Variants in KSR2 observed in about 807,000 individuals in gnomAD.
KSR2 encodes the protein kinase suppressor of ras 2.
KSR2 carries 25 observed loss-of-function variants against 107.8 expected under a neutral mutation model. The observed-to-expected ratio is 0.23, with a 90% CI of 0.17 to 0.32. The LOEUF is 0.32. Ranked by LOEUF, KSR2 falls within the 10% of genes least tolerant of loss-of-function variation. The pLI is 1.00. For synonymous variants in KSR2, 480 were observed against 507.0 expected (o/e 0.95, Z 0.71); for missense variants, 887 against 1,268.9 (o/e 0.70, Z 4.57).
chr12:117,790,339 T>C (rs1320392407), intron 3 of KSR2, among the ~76,000 whole-genome samples: 1 of 152,172 alleles, frequency 6.6e-6, no homozygotes, highest in East Asian at 1.9e-4. Context: ...GTGGGACAAC[T>C]AGAGGCAAGG....
chr12:117,563,626 A>C (rs1390931356), intron 7 of KSR2, among the ~76,000 whole-genome samples: 1 of 152,192 alleles, frequency 6.6e-6, no homozygotes, highest in Non-Finnish European at 1.5e-5. Flanking sequence ...GGTAGTTACC[A>C]TAATTATTGC....
intron 7 of KSR2, among the ~76,000 whole-genome samples, chr12:117,575,949 A>G (rs1879259997): frequency 6.6e-6 from 1 of 152,142 alleles, no homozygotes; most frequent in South Asian, 2.1e-4. Context: ...CTCACACAAG[A>G]GTTTAGTAAT....
chr12:117,523,178 A>T (rs1874875240), intron 14 of KSR2, among the ~76,000 whole-genome samples: 1 of 152,210 alleles, frequency 6.6e-6, no homozygotes, highest in Non-Finnish European at 1.5e-5. Context: ...TGTACCTTCT[A>T]CCAATCACCA....
chr12:117,847,030 C>T (rs962861309), intron 3 of KSR2, among the ~76,000 whole-genome samples: 2 of 152,196 alleles, frequency 1.3e-5, no homozygotes, highest in African/African-American at 2.4e-5. Flanking sequence ...AAGCGAGAGT[C>T]CTAATTTGAT....
At chr12:117,862,013 AT>A (rs140172842) in intron 1 of KSR2, among the ~76,000 whole-genome samples, 20 of 151,790 alleles carry the variant, frequency 1.3e-4, no homozygotes, top group African/African-American at 2.7e-4. Flanking sequence ...CTTTATATAC[AT>A]TTTTTTGTAT....
chr12:117,898,148 C>T (rs1412755577), intron 1 of KSR2, among the ~76,000 whole-genome samples: 4 of 152,114 alleles, frequency 2.6e-5, no homozygotes, highest in African/African-American at 7.2e-5. Flanking sequence ...AAAAGAGTAA[C>T]GGGATCATGA....
intron 4 of KSR2, among the ~76,000 whole-genome samples, chr12:117,685,653 C>A (rs1482766342): frequency 6.6e-6 from 1 of 152,186 alleles, no homozygotes; most frequent in Non-Finnish European, 1.5e-5. Flanking sequence ...TTCCCGAAAT[C>A]AGAGGCTGTA....
chr12:117,584,729 T>G (rs960014322), intron 5 of KSR2, among the ~76,000 whole-genome samples: 1 of 152,202 alleles, frequency 6.6e-6, no homozygotes, highest in Non-Finnish European at 1.5e-5. Flanking sequence ...TCCAAGATTA[T>G]TATAATAGAA....
At chr12:117,532,381 CCTT>C (rs1875710229) in intron 10 of KSR2, among the ~76,000 whole-genome samples, 2 of 152,154 alleles carry the variant, frequency 1.3e-5, no homozygotes, top group South Asian at 2.1e-4. Flanking sequence ...TGTGCCATCT[CCTT>C]CTTCTGCCTT....
intron 4 of KSR2, among the ~76,000 whole-genome samples, chr12:117,758,509 G>C (rs572288210): frequency 6.6e-6 from 1 of 152,216 alleles, no homozygotes; most frequent in East Asian, 1.9e-4. Flanking sequence ...CATCCCCCAA[G>C]GTGGGCCAGG....
intron 1 of KSR2, among the ~76,000 whole-genome samples, chr12:117,942,688 A>C (rs1326161179): frequency 6.7e-6 from 1 of 150,340 alleles, no homozygotes; most frequent in African/African-American, 2.4e-5. Context: ...TTGGAGAAAC[A>C]AGAGTTTTGC....
chr12:117,784,490 C>A (rs530233858), intron 3 of KSR2, among the ~76,000 whole-genome samples: 2 of 152,172 alleles, frequency 1.3e-5, no homozygotes, highest in African/African-American at 2.4e-5. Context: ...ATTAGCAGCA[C>A]GAGAACAGGC....
chr12:117,917,478 G>C (rs1426053671), intron 1 of KSR2, among the ~76,000 whole-genome samples: 3 of 152,032 alleles, frequency 2.0e-5, no homozygotes, highest in Non-Finnish European at 2.9e-5. Context: ...GGAGTTTGAG[G>C]CTACAGTGAT....
At chr12:117,692,479 T>C (rs367919689) in intron 4 of KSR2, among the ~76,000 whole-genome samples, 1 of 44,162 alleles carries the variant, frequency 2.3e-5, no homozygotes, top group Admixed American at 2.9e-4. Context: ...TATATATATA[T>C]ATATATATAT....
At chr12:117,861,707 G>A (rs1566055759) in intron 1 of KSR2, among the ~76,000 whole-genome samples, 1 of 152,066 alleles carries the variant, frequency 6.6e-6, no homozygotes, top group East Asian at 1.9e-4. Flanking sequence ...CAATTCTTTA[G>A]GGGAGGGAAG....
intron 4 of KSR2, among the ~76,000 whole-genome samples, chr12:117,728,797 C>T (rs189432873): frequency 6.6e-6 from 1 of 152,268 alleles, no homozygotes; most frequent in African/African-American, 2.4e-5. Context: ...TCTATGCTGT[C>T]CTTACTCAGG....
intron 1 of KSR2, among the ~76,000 whole-genome samples, chr12:117,938,773 C>T (rs1418670406): frequency 6.6e-6 from 1 of 151,912 alleles, no homozygotes; most frequent in Non-Finnish European, 1.5e-5. Flanking sequence ...AAAATAACCA[C>T]CAAGTAGACA....
chr12:117,501,650 G>A (rs1215304368), intron 14 of KSR2, among the ~76,000 whole-genome samples: 1 of 152,188 alleles, frequency 6.6e-6, no homozygotes, highest in Non-Finnish European at 1.5e-5. Context: ...GCTTAGGAGT[G>A]AGTTGGGCTA....
chr12:117,901,816 G>A (rs993904375), intron 1 of KSR2, among the ~76,000 whole-genome samples: 2 of 152,108 alleles, frequency 1.3e-5, no homozygotes, highest in Admixed American at 6.5e-5. Context: ...AGGGTTCAGC[G>A]TGGCGTACAA....
Sources: allele counts gnomAD v4.1 joint callset (sites outside exome capture counted in the v4.1 genomes callset), GRCh38; gene constraint gnomAD v4.1.1; transcripts MANE v1.5; gene names NCBI Gene and HGNC (gene_info 2026-07-23, HGNC 2026-07-21).